The following ANK3 variants were observed in gnomAD, a reference collection of about 807,000 sequenced individuals.
ANK3 encodes ankyrin 3, also known as ankyrin-3.
ANK3 carries 57 observed loss-of-function variants against 370.9 expected under a neutral mutation model. The ratio of observed to expected loss-of-function variants is 0.15; its 90% confidence interval spans 0.12 to 0.19. The LOEUF is 0.19. Among genes scored for constraint, ANK3 ranks in the 10% least tolerant of loss-of-function variants. The pLI is 1.00. For synonymous variants in ANK3, 1,929 were observed against 1,946.3 expected (o/e 0.99, Z 0.23); for missense variants, 4,439 against 5,302.1 (o/e 0.84, Z 5.06).
At chr10:60,264,072 T>A (rs777428129) in intron 5 of ANK3, 52 bp from the exon 6 acceptor site, 12 of 1,482,694 alleles carry the variant, frequency 8.1e-6, no homozygotes, top group Admixed American at 4.2e-5. Context: ...TTTTCTTTTT[T>A]ATTAAATTAA....
chr10:60,406,142 T>C (rs1365229646), intron 2 of ANK3, among the ~76,000 whole-genome samples: 3 of 152,210 alleles, frequency 2.0e-5, no homozygotes, highest in Admixed American at 6.5e-5. Context: ...AGGGGCTATA[T>C]AGTAGATATT....
At chr10:60,234,600 C>G in intron 8 of ANK3, 88 bp downstream of exon 8, 1 of 736,738 alleles carries the variant, frequency 1.4e-6, no homozygotes, top group Non-Finnish European at 2.4e-6. Context: ...GAAAACAAAG[C>G]TCATGTTGTA....
chr10:60,059,431 C>A lies in ANK3; in HGVS notation c.12596-1G>T. 1 of 1,613,426 alleles carries A rather than the reference C, an allele frequency of 6.2e-7. No individual in the cohort carries two copies. The highest frequency in any genetic ancestry group is 8.5e-7 in the Non-Finnish European group (1 of 1,179,406). ...CCACTTGATGTCTCATTCTGCCAAC[C>A]TGTAATTGAAGACATTTCCAGTTCT... On this transcript the variant is annotated splice_acceptor_variant, in intron 40 of 43. Coordinates refer to ENST00000280772, the MANE Select transcript of ANK3 (RefSeq NM_020987.5). LOFTEE classifies it high-confidence loss of function.
At chr10:60,119,848 G>A (rs1290077738) in intron 25 of ANK3, among the ~76,000 whole-genome samples, 3 of 152,046 alleles carry the variant, frequency 2.0e-5, no homozygotes, top group Non-Finnish European at 4.4e-5. Context: ...GGAATCAATA[G>A]TGTTAAATAT....
chr10:60,658,981 G>A (rs543534825), intron 1 of ANK3, among the ~76,000 whole-genome samples: 6 of 151,534 alleles, frequency 4.0e-5, no homozygotes, highest in East Asian at 3.9e-4. Context: ...GGGAAGGGAC[G>A]GGAGGGGAGG....
In ANK3 at chr10:60,161,213, AT is replaced by A. The variant is rs1325855863; in HGVS notation, c.2614+5377del. Among the ~76,000 whole-genome samples the A allele has an allele frequency of 2.0e-5, 3 of 152,302 alleles. No individual in the cohort carries two copies. The East Asian group carries it at 5.8e-4, about 29-fold the overall frequency. ...AAAATTCAAGATACAAAATCAACATATAAAAATCAGTATCATTTCTATGTGC... is the reference window on the plus strand; with the variant it reads ...AAAATTCAAGATACAAAATCAACATAAAAAATCAGTATCATTTCTATGTGC... On this transcript the variant is annotated intron_variant, in intron 23 of 43. Transcript: ENST00000280772.
chr10:60,688,456 T>C (rs2079300901), intron 1 of ANK3, among the ~76,000 whole-genome samples: 1 of 152,252 alleles, frequency 6.6e-6, no homozygotes. Flanking sequence ...CAATACTCTA[T>C]TGTACACTTA....
At chr10:60,306,595 T>G (rs1352983905) in intron 1 of ANK3, among the ~76,000 whole-genome samples, 1 of 152,112 alleles carries the variant, frequency 6.6e-6, no homozygotes, top group Non-Finnish European at 1.5e-5. Flanking sequence ...TACCCAGTAG[T>G]GGGATCGTTG....
At chr10:60,032,558 T>A (rs2131835115) in intron 43 of ANK3, among the ~76,000 whole-genome samples, 1 of 152,284 alleles carries the variant, frequency 6.6e-6, no homozygotes, top group South Asian at 2.1e-4. Context: ...TCACTACTTT[T>A]CTCCATGTCT....
intron 1 of ANK3, among the ~76,000 whole-genome samples, chr10:60,353,052 C>T (rs114880993): frequency 0.014 from 2,054 of 152,022 alleles, 44 homozygotes; most frequent in African/African-American, 0.045. Context: ...GGCGTGATCT[C>T]GGCTCACTGC....
intron 38 of ANK3, among the ~76,000 whole-genome samples, chr10:60,067,732 A>G (rs529325445): frequency 1.3e-5 from 2 of 152,352 alleles, no homozygotes; most frequent in South Asian, 4.1e-4. Context: ...TTCTTAGTGC[A>G]TATGCATAGA....
In ANK3 at chr10:60,623,200, G is replaced by T. The variant is rs142703291; in HGVS notation, c.58-7976C>A. 2.0e-3 allele frequency among the ~76,000 whole-genome samples: 303 copies of T among 152,228 alleles called. 1 individual carries two copies. The highest frequency in any genetic ancestry group is 6.9e-3 in the African/African-American group (288 of 41,534). On this transcript the variant is annotated intron_variant, in intron 1 of 43. Transcript: ENST00000373827. ...TACAGGAAATATGAAGAGGAATAAG[G>T]TACGATCTTTACTCTGGAGGCACTT...
At chr10:60,308,173 A>T (rs1441064453) in intron 1 of ANK3, among the ~76,000 whole-genome samples, 2 of 152,180 alleles carry the variant, frequency 1.3e-5, no homozygotes, top group Admixed American at 6.5e-5. Context: ...ATTTCCTGTG[A>T]TCTTCATTAG....
At chr10:60,169,326 C>T (rs1336402311) in intron 21 of ANK3, among the ~76,000 whole-genome samples, 1 of 141,424 alleles carries the variant, frequency 7.1e-6, no homozygotes, top group Non-Finnish European at 1.5e-5. Flanking sequence ...TTGCAGTATA[C>T]TAGTCAGATA....
chr10:60,493,463 GA>G lies in ANK3; in HGVS notation c.96+121722del, dbSNP rs374667428. Among the ~76,000 whole-genome samples the G allele has an allele frequency of 3.3e-3, 496 of 152,230 alleles. 4 individuals carry two copies. Among genetic ancestry groups the G allele is most frequent in the African/African-American group, 0.012 (483 of 41,544 alleles). On this transcript the variant is annotated intron_variant, in intron 2 of 43. Transcript: ENST00000373827. ...AGAAGGGAAGGAAGAAGAAGCAACA[GA>G]ATTTGGTTCCTGACTCATTCAGTGG...
Position 60,033,530 on chromosome 10 carries a change from A to C in ANK3, c.*20-3704T>G, listed in dbSNP as rs1368013943. 2.7e-5 allele frequency among the ~76,000 whole-genome samples: 4 copies of C among 149,052 alleles called. No individual in the cohort carries two copies. In the East Asian group the frequency reaches 5.8e-4, roughly 22 times the overall value. On this transcript the variant is annotated intron_variant, in intron 43 of 43. Transcript: ENST00000280772. ...ACTCAGTCTCAAAAAAAAAAAAAAA[A>C]AAAAAAAAACTTGGAAACAGCAATT...
At chr10:60,416,363 C>T (rs1239389052) in intron 2 of ANK3, among the ~76,000 whole-genome samples, 1 of 152,154 alleles carries the variant, frequency 6.6e-6, no homozygotes, top group Non-Finnish European at 1.5e-5. Context: ...ATAAGCCAGA[C>T]ACATGTATCT....
At position 60,088,142 on chromosome 10, in the gene ANK3, A is replaced by G. The variant is rs991761561; in HGVS notation, c.3540+5T>C. The G allele has an allele frequency of 1.1e-5, 18 of 1,613,702 alleles. No individual in the cohort carries two copies. Among genetic ancestry groups the G allele is most frequent in the Middle Eastern group, 1.6e-4 (1 of 6,080 alleles). ...CTGAGGGAAACAACTTTTTGTGAAC[A>G]TTACCTGGAGGCCCACTCGAATTCT... is the stretch of plus-strand genomic sequence containing the variant. On this transcript the variant is annotated splice_donor_5th_base_variant and intron_variant, in intron 29 of 43. Coordinates refer to ENST00000280772, the MANE Select transcript of ANK3 (RefSeq NM_020987.5).
intron 16 of ANK3, among the ~76,000 whole-genome samples, chr10:60,195,613 T>A (rs948813843): frequency 1.3e-5 from 2 of 152,158 alleles, no homozygotes; most frequent in Non-Finnish European, 2.9e-5. Flanking sequence ...CAAATTAGAT[T>A]ACTAAAATAA....
Sources: allele counts gnomAD v4.1 joint callset (sites outside exome capture counted in the v4.1 genomes callset), GRCh38; gene constraint gnomAD v4.1.1; transcripts MANE v1.5; gene names NCBI Gene and HGNC (gene_info 2026-07-23, HGNC 2026-07-21).